The following TESK2 variants were observed in gnomAD, a reference collection of about 807,000 sequenced individuals.
TESK2 encodes the protein testis associated actin remodelling kinase 2.
In TESK2, 39 loss-of-function variants were observed where a neutral mutation model predicts 57.1. That is an observed-to-expected ratio of 0.68 (90% CI 0.53 to 0.89). TESK2 has a LOEUF of 0.89. Ranked by LOEUF, TESK2 falls within the 40% of genes least tolerant of loss-of-function variation. The pLI, the probability that TESK2 is intolerant of heterozygous loss-of-function variation, is 0.00. For missense variants in TESK2, 646 were observed against 732.1 expected (o/e 0.88, Z 1.36); for synonymous variants, 249 against 267.9 (o/e 0.93, Z 0.69).
chr1:45,364,664 G>A (rs1375724506), intron 4 of TESK2, among the ~76,000 whole-genome samples: 1 of 152,192 alleles, frequency 6.6e-6, no homozygotes, highest in Admixed American at 6.5e-5. Flanking sequence ...GTTTTGGAGG[G>A]TACTGCAACA....
intron 4 of TESK2, among the ~76,000 whole-genome samples, chr1:45,379,879 T>C (rs576696081): frequency 1.3e-5 from 2 of 152,162 alleles, no homozygotes; most frequent in Admixed American, 1.3e-4. Context: ...AAAATAAGAA[T>C]AGTTTATTTT....
rs1045882774 is a variant in TESK2 at position 45,415,239 on chromosome 1, C to T, written c.344+6486G>A. Reference sequence around the variant, plus strand: ...TGGATGGCAAGCATGTGGTCTTTGGCAAGGTGAAAGAAGGCATGAATATTG... The same window carrying T: ...TGGATGGCAAGCATGTGGTCTTTGGTAAGGTGAAAGAAGGCATGAATATTG... On this transcript the variant is annotated intron_variant, in intron 3 of 10. Transcript: ENST00000372086. 9 of 1,462,616 alleles carry T rather than the reference C, an allele frequency of 6.2e-6. No homozygotes were observed. The African/African-American group carries it at 1.1e-4, about 18-fold the overall frequency. The allele number at this position is 1,462,616 out of a possible 1,614,324, so 90.6% of individuals were successfully genotyped here.
rs571828696 is a variant in TESK2, at chr1:45,427,727, G to C, written c.223-5881C>G. On this transcript the variant is annotated intron_variant, in intron 2 of 10. Coordinates refer to ENST00000372086, the MANE Select transcript of TESK2 (RefSeq NM_007170.3). ...CAAATAAAACAATTGAACTCATAGAGACAGAGTAGAATGATGATGGTTAAC... is the reference window on the plus strand; with the variant it reads ...CAAATAAAACAATTGAACTCATAGACACAGAGTAGAATGATGATGGTTAAC... Among the ~76,000 whole-genome samples, 4 of 152,286 alleles carry C rather than the reference G, an allele frequency of 2.6e-5. No homozygotes were observed. In the East Asian group the frequency reaches 5.8e-4, roughly 22 times the overall value.
At chr1:45,360,361 G>A (rs1647634491) in intron 4 of TESK2, among the ~76,000 whole-genome samples, 2 of 152,006 alleles carry the variant, frequency 1.3e-5, no homozygotes, top group Non-Finnish European at 2.9e-5. Flanking sequence ...GTGATATGTC[G>A]GGCCTGTCTT....
chr1:45,374,738 C>T (rs928828107), intron 4 of TESK2, among the ~76,000 whole-genome samples: 2 of 152,142 alleles, frequency 1.3e-5, no homozygotes, highest in African/African-American at 4.8e-5. Flanking sequence ...ATGAAGATAT[C>T]TCAACTCGAA....
At chr1:45,460,760 C>G (rs932937722) in intron 1 of TESK2, among the ~76,000 whole-genome samples, 1 of 151,816 alleles carries the variant, frequency 6.6e-6, no homozygotes, top group Non-Finnish European at 1.5e-5. Flanking sequence ...CCCCTCATCA[C>G]TAAAAAAATA....
intron 2 of TESK2, among the ~76,000 whole-genome samples, chr1:45,443,178 C>T (rs994205892): frequency 6.6e-6 from 1 of 152,090 alleles, no homozygotes; most frequent in African/African-American, 2.4e-5. Flanking sequence ...TCACTTGAGA[C>T]CTGGCGTGAA....
intron 3 of TESK2, among the ~76,000 whole-genome samples, chr1:45,410,087 C>T (rs1001746494): frequency 4.0e-5 from 6 of 151,672 alleles, no homozygotes; most frequent in African/African-American, 7.3e-5. Context: ...ACCTGGGAGG[C>T]GGAGGTTGCA....
chr1:45,439,262 A>G (rs1227608537), intron 2 of TESK2, among the ~76,000 whole-genome samples: 2 of 152,188 alleles, frequency 1.3e-5, no homozygotes, highest in Non-Finnish European at 2.9e-5. Flanking sequence ...TATAACCATG[A>G]ATGCGAATGA....
chr1:45,474,458 C>T (rs113102763), intron 1 of TESK2, among the ~76,000 whole-genome samples: 11,304 of 151,966 alleles, frequency 0.074, 557 homozygotes, highest in Middle Eastern at 0.11. Context: ...AAGACCCCAT[C>T]TCTTTTTTTT....
chr1:45,470,145 T>G (rs1030175869), intron 1 of TESK2, among the ~76,000 whole-genome samples: 1 of 152,232 alleles, frequency 6.6e-6, no homozygotes, highest in African/African-American at 2.4e-5. Flanking sequence ...CTCATCACAT[T>G]GTTTTCTTTC....
chr1:45,449,478 T>G (rs1398909196), intron 2 of TESK2, among the ~76,000 whole-genome samples: 2 of 152,030 alleles, frequency 1.3e-5, no homozygotes, highest in Non-Finnish European at 1.5e-5. Context: ...AGATAAGCTG[T>G]GGTAGATTGA....
At chr1:45,366,540 C>G (rs1423136624) in intron 4 of TESK2, among the ~76,000 whole-genome samples, 1 of 152,088 alleles carries the variant, frequency 6.6e-6, no homozygotes, top group Non-Finnish European at 1.5e-5. Context: ...CGAGCCCATT[C>G]TTGGTGCCAC....
rs796389880 is a variant in TESK2 at position 45,485,518 on chromosome 1, A to AT, written c.-87+5333dup. The stretch of plus-strand genomic sequence containing the variant: ...TCACTGTTATATAAATTTATTTTTT[A>AT]TTTTATTTTTTTTTTTTTGAGACGG... On this transcript the variant is annotated intron_variant, in intron 1 of 10. Coordinates refer to ENST00000372086, the MANE Select transcript of TESK2 (RefSeq NM_007170.3). 1.1e-4 allele frequency among the ~76,000 whole-genome samples: 9 copies of AT among 80,114 alleles called. No homozygotes were observed. The South Asian group carries it at 2.5e-3, about 22-fold the overall frequency. The allele number at this position is 80,114 out of a possible 152,430, so 52.6% of individuals were successfully genotyped here. A position where few individuals can be genotyped will look rare whatever the true frequency, so the allele number is the denominator to read the frequency against.
In TESK2 at chr1:45,386,300, G is replaced by A. The variant is rs138299437; in HGVS notation, c.345-340C>T. On this transcript the variant is annotated intron_variant, in intron 3 of 10. Transcript: ENST00000372086. ...GCAGAGGTTGCAGTGAGCTGAGATC[G>A]CACCATTGCACTCCAGCCTAGGGGA... 1.5e-3 allele frequency among the ~76,000 whole-genome samples: 199 copies of A among 134,204 alleles called. 2 individuals carry two copies. Among genetic ancestry groups the A allele is most frequent in the African/African-American group, 5.4e-3 (191 of 35,194 alleles). The allele number at this position is 134,204 out of a possible 152,430, so 88.0% of individuals were successfully genotyped here.
chr1:45,469,083 C>A lies in TESK2; in HGVS notation c.-86-11212G>T, dbSNP rs1229978023. 2.0e-5 allele frequency among the ~76,000 whole-genome samples: 3 copies of A among 151,826 alleles called. No homozygotes were observed. The East Asian group carries it at 5.8e-4, about 29-fold the overall frequency. ...GGTTTGTTTTTTCAAATATTAATTT[C>A]ATTTATATAGGAGTTGATTTGTTTT... On this transcript the variant is annotated intron_variant, in intron 1 of 10. Coordinates refer to ENST00000372086, the MANE Select transcript of TESK2 (RefSeq NM_007170.3).
chr1:45,477,434 C>T (rs1012002370), intron 1 of TESK2, among the ~76,000 whole-genome samples: 3 of 151,974 alleles, frequency 2.0e-5, no homozygotes, highest in Non-Finnish European at 4.4e-5. Context: ...ACCAGCCTGG[C>T]CAACATGGCT....
chr1:45,471,390 G>A (rs993746128), intron 1 of TESK2, among the ~76,000 whole-genome samples: 4 of 151,952 alleles, frequency 2.6e-5, no homozygotes, highest in African/African-American at 9.7e-5. Flanking sequence ...GTAAATCAAT[G>A]AATATAATAG....
chr1:45,349,312 T>C (rs143509250), intron 5 of TESK2, among the ~76,000 whole-genome samples: 1 of 152,296 alleles, frequency 6.6e-6, no homozygotes, highest in East Asian at 1.9e-4. Flanking sequence ...TAGACATGCC[T>C]CATCTCTGGC....
Sources: allele counts gnomAD v4.1 joint callset (sites outside exome capture counted in the v4.1 genomes callset), GRCh38; gene constraint gnomAD v4.1.1; transcripts MANE v1.5; gene names NCBI Gene and HGNC (gene_info 2026-07-23, HGNC 2026-07-21).